The following ZNF257 variants were observed in gnomAD, a reference collection of about 807,000 sequenced individuals.
ZNF257 encodes bone marrow zinc finger 4.
ZNF257 carries 12 observed loss-of-function variants against 11.9 expected under a neutral mutation model. The ratio of observed to expected loss-of-function variants is 1.01; its 90% CI spans 0.65 to 1.63. The LOEUF (loss-of-function observed/expected upper bound fraction) is 1.63. Among genes scored for constraint, ZNF257 ranks in the 40% most tolerant of loss-of-function variants. The probability of loss-of-function intolerance (pLI) is 0.00; values close to 1 mark genes in which losing one functional copy is unlikely to be tolerated. For synonymous variants in ZNF257, 183 were observed against 222.7 expected, an observed-to-expected ratio of 0.82 and a Z score of 1.59; for missense variants, 580 against 665.5, an observed-to-expected ratio of 0.87 and a Z score of 1.41.
intron 1 of ZNF257, among the ~76,000 whole-genome samples, chr19:22,057,433 T>G (rs1568479179): frequency 6.6e-6 from 1 of 152,078 alleles, no homozygotes; most frequent in African/African-American, 2.4e-5. Flanking sequence ...GGAAGAAGCC[T>G]TTATCCTGAG....
chr19:22,086,627 G>A (rs891386235), intron 3 of ZNF257, among the ~76,000 whole-genome samples: 2 of 151,542 alleles, frequency 1.3e-5, no homozygotes, highest in Non-Finnish European at 1.5e-5. Flanking sequence ...ATACTGTCTC[G>A]GGATTTGGTT....
intron 3 of ZNF257, 105 bp downstream of exon 3, chr19:22,073,669 G>A (rs578078554): frequency 6.6e-4 from 926 of 1,394,598 alleles, no homozygotes; most frequent in Non-Finnish European, 8.3e-4. Flanking sequence ...TGTATTCCAA[G>A]GGATATAGTT....
rs1161100894 is a variant in ZNF257, at chr19:22,089,066, C to G, written c.1316C>G (p.Ala439Gly). 3 of 1,613,468 alleles carry G rather than the reference C, an allele frequency of 1.9e-6. No homozygotes were observed. The highest frequency in any genetic ancestry group is 1.3e-5 in the African/African-American group (1 of 74,866). Residue 439 changes from alanine to glycine, a missense_variant, in exon 4 of 4, where the codon GCC (alanine) becomes GGC (glycine). Ala to Gly is a moderately conservative substitution (Grantham distance 60, BLOSUM62 0). Transcript: ENST00000594947. Reference protein sequence around the residue: ...KPYKCEECGKAFNRSSYLIRH... With the variant: ...KPYKCEECGKGFNRSSYLIRH... ...TACAAATGTGAAGAGTGTGGCAAAG[C>G]CTTTAACCGGTCTTCATACCTTATT...
At chr19:22,067,887 G>GC (rs947860170) in intron 1 of ZNF257, among the ~76,000 whole-genome samples, 8 of 147,896 alleles carry the variant, frequency 5.4e-5, no homozygotes, top group African/African-American at 9.9e-5. Flanking sequence ...TCTCCCCCCC[G>GC]CTTGAGCTAT....
In ZNF257 at chr19:22,058,782, T is replaced by C. The variant is rs1328043120; in HGVS notation, c.3+6147T>C. Among the ~76,000 whole-genome samples, 5 of 152,286 alleles carry C rather than the reference T, an allele frequency of 3.3e-5. No individual in the cohort carries two copies. In the East Asian group the frequency reaches 7.7e-4, roughly 24 times the overall value. The stretch of plus-strand genomic sequence containing the variant: ...ATAGCAGATTCCCTTTTTCCACAGC[T>C]GTCAGCACAGGATTTCTACCCAGTC... On this transcript the variant is annotated intron_variant, in intron 1 of 3. Transcript: ENST00000594947.
At chr19:22,055,023 T>G (rs1306606220) in intron 1 of ZNF257, among the ~76,000 whole-genome samples, 1 of 151,916 alleles carries the variant, frequency 6.6e-6, no homozygotes, top group Non-Finnish European at 1.5e-5. Context: ...CCTGTTGTAT[T>G]TCTTTTTCGA....
At chr19:22,081,204 T>C (rs1292432324) in intron 3 of ZNF257, among the ~76,000 whole-genome samples, 1 of 151,948 alleles carries the variant, frequency 6.6e-6, no homozygotes, top group Non-Finnish European at 1.5e-5. Flanking sequence ...TGTATACATA[T>C]ATATGTTATA....
chr19:22,082,714 G>C (rs1027816654), intron 3 of ZNF257, among the ~76,000 whole-genome samples: 1 of 151,912 alleles, frequency 6.6e-6, no homozygotes, highest in African/African-American at 2.4e-5. Flanking sequence ...TGAATATATT[G>C]ATCGACTTGA....
At chr19:22,063,642 A>G (rs2021866028) in intron 1 of ZNF257, among the ~76,000 whole-genome samples, 1 of 151,938 alleles carries the variant, frequency 6.6e-6, no homozygotes, top group South Asian at 2.1e-4. Flanking sequence ...GGGTTGTTTA[A>G]TTTTCATATA....
At chr19:22,087,585 G>A (rs1287763438) in intron 3 of ZNF257, 33 of 1,230,184 alleles carry the variant, frequency 2.7e-5, no homozygotes, top group Admixed American at 4.2e-5. Context: ...CTAAAAGCCA[G>A]ACATAGAAAT....
At position 22,089,033 on chromosome 19, in the gene ZNF257, A is replaced by G. The variant is rs1164931991; in HGVS notation, c.1283A>G (p.Glu428Gly). The G allele has an allele frequency of 6.2e-7, 1 of 1,613,688 alleles. No individual in the cohort carries two copies. Among genetic ancestry groups the G allele is most frequent in the Non-Finnish European group, 8.5e-7 (1 of 1,179,886 alleles). ...CAGCATAAGATAATTCATACTGGAG[A>G]GAAACCCTACAAATGTGAAGAGTGT... The part of the protein sequence containing the change: ...LTQHKIIHTG[E>G]KPYKCEECGK... The change falls in exon 4 of 4, where the codon GAG (glutamate) becomes GGG (glycine). Residue 428 changes from glutamate (E) to glycine (G), a missense_variant. Glu to Gly is a moderately conservative substitution (Grantham distance 98). Coordinates refer to ENST00000594947, the MANE Select transcript of ZNF257 (RefSeq NM_033468.4).
intron 1 of ZNF257, among the ~76,000 whole-genome samples, chr19:22,059,558 A>C (rs910480718): frequency 5.3e-5 from 8 of 151,046 alleles, no homozygotes; most frequent in Non-Finnish European, 1.0e-4. Flanking sequence ...AAGTGCTGGG[A>C]TTACTGTCTC....
intron 1 of ZNF257, among the ~76,000 whole-genome samples, chr19:22,068,048 T>C (rs2022002097): frequency 6.6e-6 from 1 of 151,800 alleles, no homozygotes; most frequent in Non-Finnish European, 1.5e-5. Context: ...ATAAGAAAGG[T>C]AGGTATAGTT....
intron 3 of ZNF257, among the ~76,000 whole-genome samples, chr19:22,079,581 A>G (rs1475427079): frequency 6.6e-6 from 1 of 152,096 alleles, no homozygotes; most frequent in Non-Finnish European, 1.5e-5. Flanking sequence ...CTATAAACCC[A>G]TCAGATCTCC....
chr19:22,079,157 C>T (rs2022302411), intron 3 of ZNF257, among the ~76,000 whole-genome samples: 1 of 152,100 alleles, frequency 6.6e-6, no homozygotes, highest in Non-Finnish European at 1.5e-5. Context: ...GTGCTCATGG[C>T]AACTTTGTGG....
chr19:22,078,442 AGTTTT>A (rs1254036888), intron 3 of ZNF257, among the ~76,000 whole-genome samples: 21 of 152,026 alleles, frequency 1.4e-4, no homozygotes, highest in African/African-American at 4.8e-4. Flanking sequence ...TGTATTGTTT[AGTTTT>A]AAGACTTGTT....
At position 22,090,573 on chromosome 19, in the gene ZNF257, GCACTGACA is replaced by G. The variant is rs1306679477; in HGVS notation, c.*1133_*1140del. Reference sequence around the variant, plus strand: ...AGAATTAACAGTAGAAATAGCTAAGGCACTGACACTTCAGACATTACACTAAATCAGAT... The same window carrying G: ...AGAATTAACAGTAGAAATAGCTAAGGCTTCAGACATTACACTAAATCAGAT... On this transcript the variant is annotated 3_prime_UTR_variant, in exon 4 of 4. Transcript: ENST00000594947. 1 of 152,054 alleles carries G rather than the reference GCACTGACA, an allele frequency of 6.6e-6. No individual in the cohort carries two copies. The highest frequency in any genetic ancestry group is 1.9e-4 in the East Asian group (1 of 5,204). 9.4% of individuals were successfully genotyped at this position (152,054 alleles called of 1,614,324 possible).
rs199545038 is a variant in ZNF257 at position 22,089,092 on chromosome 19, C to T, written c.1342C>T (p.Arg448Ter). ...CTTTAACCGGTCTTCATACCTTATT[C>T]GACATAAGATAATTCATACTGGAGA... ...KAFNRSSYLI[R>*]HKIIHTGEKP... Residue 448 changes from arginine to a stop codon, truncating the protein, a stop_gained, in exon 4 of 4, where the codon CGA becomes TGA. Transcript: ENST00000594947. LOFTEE classifies it low-confidence loss of function (END_TRUNC). The T allele has an allele frequency of 4.6e-4, 746 of 1,613,002 alleles. 7 individuals carry two copies. The South Asian group carries it at 5.8e-3, about 13-fold the overall frequency.
chr19:22,084,103 G>A (rs978826231), intron 3 of ZNF257, among the ~76,000 whole-genome samples: 6 of 149,460 alleles, frequency 4.0e-5, no homozygotes, highest in Admixed American at 1.3e-4. Flanking sequence ...TCGCGCCATC[G>A]CACTCCAGCC....
Sources: gnomAD v4.1 joint callset for allele counts (sites outside exome capture counted in the v4.1 genomes callset) on GRCh38, gnomAD v4.1.1 for gene constraint, MANE v1.5 for transcripts, NCBI Gene and HGNC (gene_info 2026-07-23, HGNC 2026-07-21) for gene names.